The following PMFBP1 variants were observed in gnomAD, a reference collection of about 807,000 sequenced individuals.
The protein encoded by PMFBP1 is polyamine modulated factor 1 binding protein 1, also known as polyamine-modulated factor 1-binding protein 1.
A neutral mutation model predicts 137.8 loss-of-function variants in PMFBP1; 131 were observed. The observed-to-expected ratio is 0.95, with a 90% CI of 0.82 to 1.10. The LOEUF (loss-of-function observed/expected upper bound fraction) is 1.10. Among genes scored for constraint, PMFBP1 ranks in the 50% least tolerant of loss-of-function variants. The probability of loss-of-function intolerance (pLI) is 0.00; values close to 1 mark genes in which losing one functional copy is unlikely to be tolerated. For missense variants in PMFBP1, 1,199 were observed against 1,175.4 expected (o/e 1.02, Z -0.29); for synonymous variants, 490 against 450.4 (o/e 1.09, Z -1.11).
chr16:72,202,902 T>C, the PMFBP1 span, among the ~76,000 whole-genome samples: 5 of 152,340 alleles, frequency 3.3e-5, no homozygotes, highest in East Asian at 5.8e-4. Flanking sequence ...GGGACTGATA[T>C]GACAAACAAA....
chr16:72,211,688 T>C, the PMFBP1 span, among the ~76,000 whole-genome samples: 1 of 152,168 alleles, frequency 6.6e-6, no homozygotes, highest in African/African-American at 2.4e-5. Flanking sequence ...AAAGAATTCT[T>C]AGAATTTAAA....
At chr16:72,171,291 G>T in intron 1 of PMFBP1, 23 bp from the exon 2 acceptor site, 2 of 1,455,646 alleles carry the variant, frequency 1.4e-6, no homozygotes, top group Non-Finnish European at 1.9e-6. Context: ...AAGTATTTAA[G>T]ATGGAAAAAG....
the PMFBP1 span, among the ~76,000 whole-genome samples, chr16:72,246,714 GTTA>G: frequency 1.3e-5 from 2 of 151,982 alleles, no homozygotes; most frequent in African/African-American, 4.8e-5. Flanking sequence ...TGATTGACTG[GTTA>G]TTATTCTCTC....
chr16:72,152,280 C>T (rs1427233273), intron 4 of PMFBP1, among the ~76,000 whole-genome samples: 1 of 152,128 alleles, frequency 6.6e-6, no homozygotes, highest in Admixed American at 6.6e-5. Context: ...GGATCTTTGA[C>T]AGTGACTGTT....
intron 9 of PMFBP1, among the ~76,000 whole-genome samples, chr16:72,133,925 T>C (rs1473530566): frequency 6.6e-6 from 1 of 152,060 alleles, no homozygotes; most frequent in Admixed American, 6.6e-5. Flanking sequence ...GAGACTAGCT[T>C]GGCCAACATG....
chr16:72,150,625 C>A lies in PMFBP1; in HGVS notation c.619G>T (p.Gly207Cys). 2 of 1,613,106 alleles carry A rather than the reference C, an allele frequency of 1.2e-6. No individual in the cohort carries two copies. The highest frequency in any genetic ancestry group is 1.7e-6 in the Non-Finnish European group (2 of 1,180,010). Residue 207 changes from glycine (G) to cysteine (C), a missense_variant, in exon 5 of 21, where the codon GGC (glycine) becomes TGC (cysteine). Gly to Cys is a radical substitution (Grantham distance 159, BLOSUM62 -3). Coordinates refer to ENST00000237353, the MANE Select transcript of PMFBP1 (RefSeq NM_031293.3). ...AGTCCTACCTGACCCATGATCCCGC[C>A]GAGTTCCCCCTGCAACATCTTCACT... Reference protein sequence around the residue: ...CQVKMLQGELGGIMGQEPENK... With the variant: ...CQVKMLQGELCGIMGQEPENK...
At chr16:72,193,723 GGA>G in the PMFBP1 span, among the ~76,000 whole-genome samples, 1 of 96,764 alleles carries the variant, frequency 1.0e-5, no homozygotes, top group Non-Finnish European at 2.1e-5. Context: ...ATATCAGTGA[GGA>G]AAAAAAAAAA....
intron 1 of PMFBP1, chr16:72,171,576 T>C (rs773061326): frequency 5.5e-5 from 15 of 271,414 alleles, no homozygotes; most frequent in Non-Finnish European, 8.6e-5. Context: ...CTATGTACTC[T>C]ATGGCTCAGA....
intron 20 of PMFBP1, 35 bp downstream of exon 20, chr16:72,119,816 A>G: frequency 6.2e-7 from 1 of 1,602,992 alleles, no homozygotes; most frequent in Non-Finnish European, 8.5e-7. Flanking sequence ...AAAGAAAAAA[A>G]TCACACTTAT....
intron 3 of PMFBP1, among the ~76,000 whole-genome samples, chr16:72,162,455 G>A (rs565956788): frequency 5.3e-4 from 81 of 152,240 alleles, no homozygotes; most frequent in African/African-American, 1.9e-3. Flanking sequence ...GCATAATTGC[G>A]GTTGTAAACT....
intron 5 of PMFBP1, among the ~76,000 whole-genome samples, chr16:72,140,926 G>GTTTTTTTT (rs1567629530): frequency 2.4e-5 from 2 of 83,566 alleles, no homozygotes; most frequent in Non-Finnish European, 2.4e-5. Flanking sequence ...ACACAAATGA[G>GTTTTTTTT]TCTTTTTTTT....
At chr16:72,184,080 C>A in the PMFBP1 span, among the ~76,000 whole-genome samples, 333 of 152,176 alleles carry the variant, frequency 2.2e-3, no homozygotes, top group Non-Finnish European at 3.5e-3. Flanking sequence ...GACTCTCTCC[C>A]AGATTTCCTC....
At chr16:72,144,422 C>T (rs113648046) in intron 5 of PMFBP1, among the ~76,000 whole-genome samples, 1,740 of 152,152 alleles carry the variant, frequency 0.011, 16 homozygotes, top group Non-Finnish European at 0.017. Flanking sequence ...CACTGGCACA[C>T]GAACTGGCAG....
At chr16:72,126,257 T>C in intron 14 of PMFBP1, 125 bp from the exon 15 acceptor site, 1 of 1,045,904 alleles carries the variant, frequency 9.6e-7, no homozygotes, top group African/African-American at 1.6e-5. Context: ...AGAGTCCGTG[T>C]TAACACTCAC....
At chr16:72,143,653 G>T (rs1198696081) in intron 5 of PMFBP1, among the ~76,000 whole-genome samples, 1 of 152,164 alleles carries the variant, frequency 6.6e-6, no homozygotes, top group Non-Finnish European at 1.5e-5. Flanking sequence ...TGAGGCAGAA[G>T]AATTGCTTGA....
the PMFBP1 span, among the ~76,000 whole-genome samples, chr16:72,189,323 C>T: frequency 4.6e-5 from 7 of 152,294 alleles, no homozygotes; most frequent in South Asian, 2.1e-4. Context: ...CACATGCTGC[C>T]GTCCCTTTAA....
chr16:72,155,657 C>T (rs1025013006), intron 3 of PMFBP1, among the ~76,000 whole-genome samples: 2 of 152,166 alleles, frequency 1.3e-5, no homozygotes, highest in Non-Finnish European at 2.9e-5. Context: ...ACTTCTAATA[C>T]CGTGGCTTTC....
chr16:72,135,258 C>T (rs1453408696), intron 9 of PMFBP1, among the ~76,000 whole-genome samples: 1 of 152,024 alleles, frequency 6.6e-6, no homozygotes, highest in Non-Finnish European at 1.5e-5. Flanking sequence ...CTCATTGCAA[C>T]CTCCCCTCCC....
rs2042400120 is a variant in PMFBP1 at position 72,123,069 on chromosome 16, T to C, written c.2694-81A>G. 6 of 1,299,296 alleles carry C rather than the reference T, an allele frequency of 4.6e-6. No homozygotes were observed. In the Admixed American group the frequency reaches 1.1e-4, roughly 23 times the overall value. 80.5% of individuals were successfully genotyped at this position (1,299,296 alleles called of 1,614,324 possible). A position where few individuals can be genotyped will look rare whatever the true frequency, so the allele number is the denominator to read the frequency against. On this transcript the variant is annotated intron_variant, in intron 18 of 20. Coordinates refer to ENST00000237353, the MANE Select transcript of PMFBP1 (RefSeq NM_031293.3). ...GGGTGCAGCTGGCTGAATGGGATGC[T>C]GGGTTCTCAGCAAGACTGCTGCTGC...
Sources: allele counts gnomAD v4.1 joint callset (sites outside exome capture counted in the v4.1 genomes callset), GRCh38; gene constraint gnomAD v4.1.1; transcripts MANE v1.5; gene names NCBI Gene and HGNC (gene_info 2026-07-23, HGNC 2026-07-21).